COL22A1: variants seen among roughly 807,000 people sequenced by gnomAD.
The protein encoded by COL22A1 is collagen type XXII alpha 1 chain, also known as collagen alpha-1(XXII) chain.
In COL22A1, 221 loss-of-function variants were observed where a neutral mutation model predicts 248.9. The observed-to-expected ratio is 0.89, with a 90% CI of 0.80 to 0.99. The LOEUF is 0.99. Ranked by LOEUF, COL22A1 falls within the 50% of genes least tolerant of loss-of-function variation. The pLI, the probability that COL22A1 is intolerant of heterozygous loss-of-function variation, is 0.00. For missense variants in COL22A1, 2,240 were observed against 2,179.0 expected, an observed-to-expected ratio of 1.03 and a Z score of -0.56; for synonymous variants, 891 against 793.4, an observed-to-expected ratio of 1.12 and a Z score of -2.07.
chr8:138,813,634 G>C (rs1277540889), intron 7 of COL22A1, among the ~76,000 whole-genome samples: 1 of 62,632 alleles, frequency 1.6e-5, no homozygotes, highest in African/African-American at 5.3e-5. Context: ...ACACGTTAAA[G>C]TCCAGCGTTT....
rs777430739 is a variant in COL22A1 at position 138,861,909 on chromosome 8, C to T, written c.658+15841G>A. Among the ~76,000 whole-genome samples, 4 of 150,982 alleles carry T rather than the reference C, an allele frequency of 2.6e-5. No homozygotes were observed. In the East Asian group the frequency reaches 5.9e-4, roughly 22 times the overall value. On this transcript the variant is annotated intron_variant, in intron 3 of 64. Transcript: ENST00000303045. ...CCTTCACTGTAAAGCTTAAAGTAGG[C>T]GGGGCGCAGTGGTTCACGCCTGGAA...
intron 12 of COL22A1, among the ~76,000 whole-genome samples, chr8:138,784,942 T>G (rs1414335185): frequency 1.3e-5 from 2 of 152,166 alleles, no homozygotes; most frequent in African/African-American, 4.8e-5. Flanking sequence ...CACTTAATAG[T>G]GTCCGAACTC....
At chr8:138,688,291 C>T (rs867286015) in intron 37 of COL22A1, among the ~76,000 whole-genome samples, 20 of 151,776 alleles carry the variant, frequency 1.3e-4, no homozygotes, top group Non-Finnish European at 2.6e-4. Flanking sequence ...GAGGCCAAGG[C>T]GGGTGGATCA....
rs1293392481 is a variant in COL22A1, at chr8:138,654,395, T to C, written c.3333+1502A>G. Among the ~76,000 whole-genome samples, 4 of 152,218 alleles carry C rather than the reference T, an allele frequency of 2.6e-5. No homozygotes were observed. The East Asian group carries it at 7.7e-4, about 29-fold the overall frequency. On this transcript the variant is annotated intron_variant, in intron 45 of 64. Transcript: ENST00000303045. ...GCTACTTATTTTTTAATAAAAGGTGTAATTTTCCCATCAAGGCATCTCAAT... is the reference window on the plus strand; with the variant it reads ...GCTACTTATTTTTTAATAAAAGGTGCAATTTTCCCATCAAGGCATCTCAAT...
In COL22A1 at chr8:138,909,958, A is replaced by G. The variant is rs566551504; in HGVS notation, c.-73+3661T>C. On this transcript the variant is annotated intron_variant, in intron 1 of 64. Transcript: ENST00000303045. ...AATAATCTGAGATACATCATTGCCAAATGGGGGAAATCTTGTCACAAACAA... is the reference window on the plus strand; with the variant it reads ...AATAATCTGAGATACATCATTGCCAGATGGGGGAAATCTTGTCACAAACAA... Among the ~76,000 whole-genome samples the G allele has an allele frequency of 2.0e-5, 3 of 152,310 alleles. No individual in the cohort carries two copies. The East Asian group carries it at 5.8e-4, about 29-fold the overall frequency.
intron 63 of COL22A1, among the ~76,000 whole-genome samples, chr8:138,592,529 A>G (rs934112582): frequency 2.0e-5 from 3 of 152,242 alleles, no homozygotes; most frequent in Admixed American, 2.0e-4. Context: ...TCACATGAGT[A>G]GGACTAGAAT....
Position 138,649,708 on chromosome 8 carries a change from C to T in COL22A1, c.3404G>A (p.Gly1135Asp). ...TTCTCTCCCTGGCTTTCCTGGGACA[C>T]CTTTGTCCCCTTTAAAACCTGGTAG... ...PGLPGFKGDKGVPGKPGREGT... is the reference protein window; with the variant it reads ...PGLPGFKGDKDVPGKPGREGT... The change falls in exon 46 of 65, where the codon GGT becomes GAT. Residue 1135 changes from glycine to aspartate, a missense_variant. By Grantham distance (94) the Gly-to-Asp change is moderately conservative. Transcript: ENST00000303045. 1.9e-6 allele frequency: 3 copies of T among 1,613,294 alleles called. No homozygotes were observed. The highest frequency in any genetic ancestry group is 1.7e-6 in the Non-Finnish European group (2 of 1,179,620).
chr8:138,892,000 A>G (rs1825103984), intron 1 of COL22A1, among the ~76,000 whole-genome samples: 1 of 152,216 alleles, frequency 6.6e-6, no homozygotes, highest in African/African-American at 2.4e-5. Flanking sequence ...CCACTTGGCT[A>G]TGACGTATAA....
intron 31 of COL22A1, among the ~76,000 whole-genome samples, chr8:138,701,877 T>C (rs1447303625): frequency 1.4e-5 from 2 of 139,472 alleles, no homozygotes; most frequent in Non-Finnish European, 3.2e-5. Context: ...TAGTTCCACT[T>C]AATTTGAGTA....
intron 1 of COL22A1, among the ~76,000 whole-genome samples, chr8:138,887,925 T>C (rs1365562428): frequency 6.6e-6 from 1 of 152,206 alleles, no homozygotes; most frequent in Non-Finnish European, 1.5e-5. Context: ...CAATCTTTGG[T>C]TAACTCAACA....
chr8:138,625,761 C>A (rs552816335), intron 51 of COL22A1, among the ~76,000 whole-genome samples: 134 of 152,118 alleles, frequency 8.8e-4, no homozygotes, highest in African/African-American at 3.1e-3. Flanking sequence ...GCATCCATTG[C>A]GTCTATTAAA....
At chr8:138,774,924 G>A (rs1017853268) in intron 16 of COL22A1, among the ~76,000 whole-genome samples, 2 of 152,210 alleles carry the variant, frequency 1.3e-5, no homozygotes, top group African/African-American at 4.8e-5. Flanking sequence ...TGATGTGGCT[G>A]TGGAGGGACA....
chr8:138,909,296 C>G (rs1314500248), intron 1 of COL22A1, among the ~76,000 whole-genome samples: 1 of 152,114 alleles, frequency 6.6e-6, no homozygotes, highest in African/African-American at 2.4e-5. Context: ...ATTCATCTTG[C>G]ATAAGTGAAG....
intron 56 of COL22A1, among the ~76,000 whole-genome samples, chr8:138,612,091 A>G (rs1006654816): frequency 9.3e-5 from 14 of 150,738 alleles, no homozygotes; most frequent in Non-Finnish European, 1.6e-4. Flanking sequence ...GCTTGTAGGC[A>G]TATTGAAAAT....
chr8:138,637,027 C>A (rs1821240975), intron 47 of COL22A1, among the ~76,000 whole-genome samples: 1 of 151,882 alleles, frequency 6.6e-6, no homozygotes, highest in South Asian at 2.1e-4. Context: ...GAGCGGGCAG[C>A]AGGAAAGGGG....
chr8:138,646,677 C>T lies in COL22A1; in HGVS notation c.3453G>A (p.Glu1151=). 3 of 1,578,554 alleles carry T rather than the reference C, an allele frequency of 1.9e-6. No individual in the cohort carries two copies. Among genetic ancestry groups the T allele is most frequent in the Non-Finnish European group, 2.6e-6 (3 of 1,161,610 alleles). The stretch of plus-strand genomic sequence containing the variant: ...GCCCTGGTAGGCCTGGAGGCCCAGC[C>T]TCTCCCTGTATCAGGGATACAAGAA... ...GREGTEGKKG[E]AGPPGLPGPP... The change falls in exon 47 of 65, where the codon GAG becomes GAA. Residue 1151 remains glutamate (E), a synonymous_variant. Transcript: ENST00000303045.
intron 3 of COL22A1, among the ~76,000 whole-genome samples, chr8:138,845,277 C>CAG (rs58579074): frequency 4.0e-5 from 6 of 151,308 alleles, no homozygotes; most frequent in African/African-American, 1.5e-4. Flanking sequence ...GAGGCCAAGA[C>CAG]GGGGGGGGAT....
chr8:138,594,315 A>G, intron 62 of COL22A1, 116 bp from the exon 63 acceptor site: 7 of 788,842 alleles, frequency 8.9e-6, no homozygotes, highest in Admixed American at 3.9e-5. Flanking sequence ...AGAAACGGAC[A>G]TAGGACAGGA....
chr8:138,800,344 C>G (rs1417595674), intron 11 of COL22A1, among the ~76,000 whole-genome samples: 1 of 152,148 alleles, frequency 6.6e-6, no homozygotes, highest in Non-Finnish European at 1.5e-5. Flanking sequence ...GCTGCATCTG[C>G]CAAGAATTTA....
Sources: gnomAD v4.1 joint callset for allele counts (sites outside exome capture counted in the v4.1 genomes callset) on GRCh38, gnomAD v4.1.1 for gene constraint, MANE v1.5 for transcripts, NCBI Gene and HGNC (gene_info 2026-07-23, HGNC 2026-07-21) for gene names.